The following PEPD variants were observed in gnomAD, a reference collection of about 807,000 sequenced individuals.
PEPD encodes the protein peptidase D, also known as xaa-Pro dipeptidase.
In PEPD, 53 loss-of-function variants were observed where a neutral mutation model predicts 60.7. That is an observed-to-expected ratio of 0.87 (90% CI 0.70 to 1.10). The LOEUF is 1.10. Ranked by LOEUF, PEPD falls within the 50% of genes least tolerant of loss-of-function variation. The pLI is 0.00. For synonymous variants in PEPD, 267 were observed against 284.1 expected, an observed-to-expected ratio of 0.94 and a Z score of 0.60; for missense variants, 711 against 711.9, an observed-to-expected ratio of 1.00 and a Z score of 0.01.
chr19:33,513,338 C>T (rs946276058), intron 1 of PEPD, among the ~76,000 whole-genome samples: 2 of 152,152 alleles, frequency 1.3e-5, no homozygotes, highest in Admixed American at 1.3e-4. Context: ...TGATGTCCAG[C>T]TCCAGACTCA....
intron 1 of PEPD, among the ~76,000 whole-genome samples, chr19:33,520,349 C>T (rs1349492604): frequency 2.0e-5 from 3 of 152,200 alleles, no homozygotes; most frequent in Non-Finnish European, 4.4e-5. Context: ...TCCTTGACAC[C>T]CATCTGAGAC....
intron 9 of PEPD, among the ~76,000 whole-genome samples, chr19:33,461,322 C>A (rs1274612051): frequency 6.6e-6 from 1 of 151,972 alleles, no homozygotes; most frequent in Non-Finnish European, 1.5e-5. Context: ...AAAAAAAAGA[C>A]CTCCATTACC....
chr19:33,465,132 C>G (rs1370709808), intron 7 of PEPD, among the ~76,000 whole-genome samples: 1 of 152,170 alleles, frequency 6.6e-6, no homozygotes, highest in Non-Finnish European at 1.5e-5. Context: ...AAGGACAGTG[C>G]CTGGCACACA....
At chr19:33,502,560 G>A (rs966728587) in intron 3 of PEPD, among the ~76,000 whole-genome samples, 4 of 152,134 alleles carry the variant, frequency 2.6e-5, no homozygotes, top group African/African-American at 9.7e-5. Context: ...AAGTACCTCT[G>A]ATTGCAAGTA....
chr19:33,405,844 A>G (rs904298720), intron 11 of PEPD, among the ~76,000 whole-genome samples: 1 of 152,226 alleles, frequency 6.6e-6, no homozygotes, highest in Non-Finnish European at 1.5e-5. Context: ...GCCTCGGCAG[A>G]CAGGAAAGCT....
At chr19:33,402,865 C>T (rs1315429799) in intron 11 of PEPD, among the ~76,000 whole-genome samples, 2 of 152,166 alleles carry the variant, frequency 1.3e-5, no homozygotes, top group African/African-American at 4.8e-5. Context: ...TGACAGGAGG[C>T]CTGCTGAGGC....
chr19:33,452,418 T>C (rs1243802237), intron 9 of PEPD, among the ~76,000 whole-genome samples: 1 of 152,066 alleles, frequency 6.6e-6, no homozygotes, highest in East Asian at 1.9e-4. Context: ...CAAAACAAGG[T>C]TCAGGAAGAG....
chr19:33,456,932 C>G lies in PEPD; in HGVS notation c.671+6063G>C, dbSNP rs115736429. Among the ~76,000 whole-genome samples the G allele has an allele frequency of 3.9e-3, 586 of 151,700 alleles. 2 individuals are homozygous for G. The highest frequency in any genetic ancestry group is 0.014 in the African/African-American group (568 of 41,308). ...GAAGACGGGGACCTCCTAGTGACTT[C>G]CCTCTCCAGTGAAACCTGCGTCCTC... On this transcript the variant is annotated intron_variant, in intron 9 of 14. Transcript: ENST00000244137.
At chr19:33,507,785 C>A (rs1257060923) in intron 3 of PEPD, among the ~76,000 whole-genome samples, 1 of 152,138 alleles carries the variant, frequency 6.6e-6, no homozygotes. Context: ...ACATAGTCAA[C>A]CCCGCCACCA....
intron 9 of PEPD, among the ~76,000 whole-genome samples, chr19:33,427,177 C>A (rs1411531773): frequency 1.3e-5 from 2 of 152,224 alleles, no homozygotes; most frequent in African/African-American, 4.8e-5. Flanking sequence ...GCCGCCCCTA[C>A]AGAGAGCAGC....
chr19:33,513,793 C>T (rs991738252), intron 1 of PEPD, among the ~76,000 whole-genome samples: 5 of 152,212 alleles, frequency 3.3e-5, no homozygotes, highest in African/African-American at 1.2e-4. Flanking sequence ...CTTCCCTAAA[C>T]CCCCAGAACA....
chr19:33,477,632 A>C (rs1200676817), intron 7 of PEPD, among the ~76,000 whole-genome samples: 1 of 152,236 alleles, frequency 6.6e-6, no homozygotes, highest in African/African-American at 2.4e-5. Flanking sequence ...ATGGGAAGGA[A>C]GAAGGTGACA....
intron 11 of PEPD, among the ~76,000 whole-genome samples, chr19:33,409,609 A>G (rs117602592): frequency 0.01 from 1,550 of 152,310 alleles, 13 homozygotes; most frequent in Non-Finnish European, 0.016. Flanking sequence ...TAGGAGTTTG[A>G]GGCTGCAGTG....
intron 9 of PEPD, among the ~76,000 whole-genome samples, chr19:33,423,182 G>A (rs1482023819): frequency 6.6e-6 from 1 of 152,042 alleles, no homozygotes; most frequent in Admixed American, 6.6e-5. Context: ...TTTGTTCACT[G>A]TAGTATCCCT....
chr19:33,483,943 C>T (rs1029940452), intron 6 of PEPD, among the ~76,000 whole-genome samples: 5 of 152,126 alleles, frequency 3.3e-5, no homozygotes, highest in African/African-American at 1.2e-4. Flanking sequence ...TCCATGGCTT[C>T]GTTAATGGTG....
intron 9 of PEPD, among the ~76,000 whole-genome samples, chr19:33,433,879 T>C (rs1969322291): frequency 6.6e-6 from 1 of 152,194 alleles, no homozygotes; most frequent in Admixed American, 6.5e-5. Flanking sequence ...GCAGGAGCAA[T>C]GCTTGGCCAT....
At chr19:33,512,451 T>C in intron 2 of PEPD, 142 bp downstream of exon 2, 1 of 798,438 alleles carries the variant, frequency 1.3e-6, no homozygotes, top group Non-Finnish European at 2.1e-6. Context: ...AAGGAGCCCC[T>C]GGACCACTTC....
chr19:33,408,005 T>A (rs551261301), intron 11 of PEPD, among the ~76,000 whole-genome samples: 44 of 152,310 alleles, frequency 2.9e-4, no homozygotes, highest in African/African-American at 9.4e-4. Context: ...AAGCCTGACC[T>A]GAAGCAGGAA....
At chr19:33,403,735 C>A (rs1485072619) in intron 11 of PEPD, among the ~76,000 whole-genome samples, 2 of 152,210 alleles carry the variant, frequency 1.3e-5, no homozygotes, top group Admixed American at 1.3e-4. Flanking sequence ...AAGTCCCCAG[C>A]CGGGCACTTT....
Sources: gnomAD v4.1 joint callset for allele counts (sites outside exome capture counted in the v4.1 genomes callset) on GRCh38, gnomAD v4.1.1 for gene constraint, MANE v1.5 for transcripts, NCBI Gene and HGNC (gene_info 2026-07-23, HGNC 2026-07-21) for gene names.